The following ARK2C variants were observed in gnomAD, a reference collection of about 807,000 sequenced individuals.
ARK2C encodes arkadia (RNF111) C-terminal like ring finger ubiquitin ligase 2C, also known as E3 ubiquitin-protein ligase ARK2C.
chr18:46,440,339 G>T, the ARK2C span, among the ~76,000 whole-genome samples: 1 of 151,998 alleles, frequency 6.6e-6, no homozygotes, highest in Non-Finnish European at 1.5e-5. Flanking sequence ...TGTTATAATT[G>T]TTCTATTTTG....
At chr18:46,341,286 A>G in the ARK2C span, among the ~76,000 whole-genome samples, 1 of 114,224 alleles carries the variant, frequency 8.8e-6, no homozygotes, top group Non-Finnish European at 1.7e-5. Context: ...GCAGCTGATG[A>G]CAGAGGGATG....
the ARK2C span, chr18:46,435,262 G>C: frequency 5.0e-6 from 8 of 1,600,748 alleles, no homozygotes; most frequent in East Asian, 4.5e-5. Flanking sequence ...CCCCTGACAC[G>C]AGGGCTCTCC....
the ARK2C span, among the ~76,000 whole-genome samples, chr18:46,356,249 C>T: frequency 3.3e-5 from 5 of 152,154 alleles, no homozygotes; most frequent in Non-Finnish European, 5.9e-5. Flanking sequence ...GTTCTAGGTG[C>T]GGAGGATGCA....
At chr18:46,426,354 G>A in the ARK2C span, among the ~76,000 whole-genome samples, 1 of 152,114 alleles carries the variant, frequency 6.6e-6, no homozygotes, top group African/African-American at 2.4e-5. Flanking sequence ...CTTCCCCACT[G>A]ATCTCTGCTT....
At chr18:46,373,931 T>C in the ARK2C span, among the ~76,000 whole-genome samples, 7 of 152,056 alleles carry the variant, frequency 4.6e-5, no homozygotes, top group East Asian at 1.4e-3. Flanking sequence ...CAGAAGCAGA[T>C]GGACAGTTGC....
At chr18:46,348,076 C>G in the ARK2C span, among the ~76,000 whole-genome samples, 2 of 152,158 alleles carry the variant, frequency 1.3e-5, no homozygotes, top group Non-Finnish European at 2.9e-5. Flanking sequence ...GACGCAGGAA[C>G]AGCATGGCCC....
the ARK2C span, among the ~76,000 whole-genome samples, chr18:46,406,115 C>T: frequency 1.1e-4 from 17 of 152,144 alleles, no homozygotes; most frequent in Admixed American, 6.5e-4. Context: ...CTCCTACACT[C>T]CCCTCATAGA....
At chr18:46,426,948 G>A in the ARK2C span, among the ~76,000 whole-genome samples, 2 of 152,196 alleles carry the variant, frequency 1.3e-5, no homozygotes, top group East Asian at 1.9e-4. Context: ...ATCACTGATC[G>A]TTGATTTGTC....
At chr18:46,402,438 T>A in the ARK2C span, among the ~76,000 whole-genome samples, 1 of 152,244 alleles carries the variant, frequency 6.6e-6, no homozygotes, top group Non-Finnish European at 1.5e-5. Context: ...TATATCTCAA[T>A]ATTGCATGGA....
the ARK2C span, among the ~76,000 whole-genome samples, chr18:46,388,435 T>C: frequency 6.6e-6 from 1 of 152,210 alleles, no homozygotes. Context: ...AGCTGCTCAA[T>C]CCTGTGGAAC....
the ARK2C span, among the ~76,000 whole-genome samples, chr18:46,359,600 G>A: frequency 2.6e-5 from 4 of 152,292 alleles, no homozygotes; most frequent in Admixed American, 6.5e-5. Context: ...CCACCTGAAA[G>A]CCCATGTATG....
chr18:46,355,231 G>A, the ARK2C span, among the ~76,000 whole-genome samples: 7 of 152,086 alleles, frequency 4.6e-5, no homozygotes, highest in African/African-American at 1.7e-4. Flanking sequence ...GAGATTACAA[G>A]CATGAGCCAC....
chr18:46,419,702 G>A, the ARK2C span, among the ~76,000 whole-genome samples: 1 of 152,180 alleles, frequency 6.6e-6, no homozygotes, highest in Admixed American at 6.5e-5. Context: ...CAGTCACAAG[G>A]CAGGGGCAGC....
At chr18:46,423,199 A>G in the ARK2C span, among the ~76,000 whole-genome samples, 1 of 152,160 alleles carries the variant, frequency 6.6e-6, no homozygotes, top group African/African-American at 2.4e-5. Flanking sequence ...CTTGCTACAG[A>G]AGCACCCAAG....
At chr18:46,425,246 G>A in the ARK2C span, among the ~76,000 whole-genome samples, 1 of 152,170 alleles carries the variant, frequency 6.6e-6, no homozygotes, top group Admixed American at 6.5e-5. Flanking sequence ...GGGAGGGTTT[G>A]GATCCCATCC....
At chr18:46,442,158 G>A in the ARK2C span, among the ~76,000 whole-genome samples, 1 of 84,650 alleles carries the variant, frequency 1.2e-5, no homozygotes, top group Non-Finnish European at 2.4e-5. Context: ...GCGAAACTCC[G>A]TCTCAAAAAA....
chr18:46,409,694 C>A, the ARK2C span, among the ~76,000 whole-genome samples: 21 of 152,252 alleles, frequency 1.4e-4, no homozygotes, highest in Non-Finnish European at 2.5e-4. Context: ...GCCACTCAGT[C>A]CTCACTCTGG....
chr18:46,424,661 T>A, the ARK2C span, among the ~76,000 whole-genome samples: 2 of 152,184 alleles, frequency 1.3e-5, no homozygotes, highest in South Asian at 4.1e-4. Flanking sequence ...CAGAAGCTAT[T>A]TGAGGCCCCT....
At chr18:46,390,643 A>T in the ARK2C span, among the ~76,000 whole-genome samples, 143 of 152,302 alleles carry the variant, frequency 9.4e-4, no homozygotes, top group Middle Eastern at 0.017. Context: ...TCTGTAGGAC[A>T]GTTAGTCCAT....
Sources: gnomAD v4.1 joint callset for allele counts (sites outside exome capture counted in the v4.1 genomes callset) on GRCh38, gnomAD v4.1.1 for gene constraint, MANE v1.5 for transcripts, NCBI Gene and HGNC (gene_info 2026-07-23, HGNC 2026-07-21) for gene names.